TSPAN18: variants seen among roughly 807,000 people sequenced by gnomAD.
TSPAN18 encodes tetraspanin-18.
A neutral mutation model predicts 27.3 loss-of-function variants in TSPAN18; 14 were observed. That is an observed-to-expected ratio of 0.51 (90% CI 0.34 to 0.80). TSPAN18 has a LOEUF of 0.80. Among genes scored for constraint, TSPAN18 ranks in the 30% least tolerant of loss-of-function variants. The pLI, the probability that TSPAN18 is intolerant of heterozygous loss-of-function variation, is 0.01. For missense variants in TSPAN18, 268 were observed against 323.9 expected, an observed-to-expected ratio of 0.83 and a Z score of 1.32; for synonymous variants, 143 against 136.5, an observed-to-expected ratio of 1.05 and a Z score of -0.33.
intron 2 of TSPAN18, among the ~76,000 whole-genome samples, chr11:44,768,475 T>G (rs1855618774): frequency 6.6e-6 from 1 of 152,226 alleles, no homozygotes. Context: ...GTATAATTGC[T>G]TATTTGTTCC....
intron 3 of TSPAN18, among the ~76,000 whole-genome samples, chr11:44,879,515 C>T (rs1057432223): frequency 3.9e-5 from 6 of 152,150 alleles, no homozygotes; most frequent in African/African-American, 1.2e-4. Flanking sequence ...CTGAATAAGT[C>T]GAATAAATGA....
chr11:44,768,498 T>C (rs1855619328), intron 2 of TSPAN18, among the ~76,000 whole-genome samples: 1 of 152,226 alleles, frequency 6.6e-6, no homozygotes, highest in Non-Finnish European at 1.5e-5. Flanking sequence ...GATTTTTTTT[T>C]TGTAATTTCT....
intron 2 of TSPAN18, among the ~76,000 whole-genome samples, chr11:44,856,264 A>C (rs1285221292): frequency 6.6e-6 from 1 of 152,082 alleles, no homozygotes; most frequent in African/African-American, 2.4e-5. Context: ...GATAAATTTC[A>C]TCATCCTTGG....
chr11:44,774,171 G>A (rs1241153812), intron 2 of TSPAN18, among the ~76,000 whole-genome samples: 1 of 152,220 alleles, frequency 6.6e-6, no homozygotes, highest in Non-Finnish European at 1.5e-5. Flanking sequence ...TTGGAGCTGA[G>A]ATTTTTCTCC....
At chr11:44,741,058 G>T (rs1854921177) in intron 1 of TSPAN18, among the ~76,000 whole-genome samples, 1 of 152,112 alleles carries the variant, frequency 6.6e-6, no homozygotes. Context: ...AGAGCCTCTG[G>T]GTCTCCCCTG....
At chr11:44,792,133 TAATTA>T (rs1856240186) in intron 2 of TSPAN18, among the ~76,000 whole-genome samples, 1 of 152,318 alleles carries the variant, frequency 6.6e-6, no homozygotes, top group African/African-American at 2.4e-5. Flanking sequence ...TTCATGTGCA[TAATTA>T]AATCTATATT....
chr11:44,812,275 A>C (rs1291178769), intron 2 of TSPAN18, among the ~76,000 whole-genome samples: 1 of 152,164 alleles, frequency 6.6e-6, no homozygotes, highest in Admixed American at 6.5e-5. Flanking sequence ...CAGTTCCCTG[A>C]TAGGGTTACA....
intron 2 of TSPAN18, among the ~76,000 whole-genome samples, chr11:44,813,026 C>T (rs1856751052): frequency 6.6e-6 from 1 of 151,834 alleles, no homozygotes; most frequent in Admixed American, 6.6e-5. Context: ...CCATAACCCT[C>T]ACCTTGCAGC....
intron 4 of TSPAN18, among the ~76,000 whole-genome samples, chr11:44,908,829 A>AGAG (rs1554938045): frequency 9.7e-6 from 1 of 103,322 alleles, no homozygotes; most frequent in African/African-American, 4.9e-5. Context: ...GAAAGAAAGA[A>AGAG]AAAGAAAAAT....
At chr11:44,923,175 TG>T (rs955759659) in intron 8 of TSPAN18, among the ~76,000 whole-genome samples, 3 of 151,966 alleles carry the variant, frequency 2.0e-5, no homozygotes, top group African/African-American at 7.3e-5. Flanking sequence ...GCTGGGTGTA[TG>T]GGGTGGAGCT....
At chr11:44,889,242 G>A (rs1048237675) in intron 3 of TSPAN18, among the ~76,000 whole-genome samples, 1 of 152,228 alleles carries the variant, frequency 6.6e-6, no homozygotes, top group South Asian at 2.1e-4. Context: ...AGAGGATAAG[G>A]CCAGTCCTGC....
chr11:44,844,532 G>A (rs1354161355), intron 2 of TSPAN18, among the ~76,000 whole-genome samples: 1 of 152,158 alleles, frequency 6.6e-6, no homozygotes, highest in African/African-American at 2.4e-5. Context: ...GCTAACTGGT[G>A]GGTCTGTAGT....
At chr11:44,909,566 C>A in intron 4 of TSPAN18, 139 bp from the exon 5 acceptor site, 1 of 805,614 alleles carries the variant, frequency 1.2e-6, no homozygotes, top group South Asian at 1.8e-5. Context: ...TGGCTCTCGC[C>A]GCAGGTGAAT....
chr11:44,752,131 C>A (rs964341432), intron 1 of TSPAN18, among the ~76,000 whole-genome samples: 4 of 152,132 alleles, frequency 2.6e-5, no homozygotes, highest in African/African-American at 9.7e-5. Context: ...TGAAGTGTCA[C>A]ATTATCAAAC....
intron 1 of TSPAN18, among the ~76,000 whole-genome samples, chr11:44,739,941 G>A (rs554113912): frequency 5.3e-4 from 81 of 152,316 alleles, no homozygotes; most frequent in African/African-American, 1.7e-3. Context: ...TTTGGGATGG[G>A]TGCCTGGCGT....
chr11:44,790,670 G>C (rs1856197708), intron 2 of TSPAN18, among the ~76,000 whole-genome samples: 1 of 152,148 alleles, frequency 6.6e-6, no homozygotes, highest in Non-Finnish European at 1.5e-5. Context: ...AAAGAACATG[G>C]GATGCCAGAT....
chr11:44,791,040 A>G (rs184868148), intron 2 of TSPAN18, among the ~76,000 whole-genome samples: 212 of 152,248 alleles, frequency 1.4e-3, no homozygotes, highest in African/African-American at 4.7e-3. Flanking sequence ...CCCTCAAGAA[A>G]TGAAGGCTAG....
At chr11:44,786,158 G>C (rs1239595127) in intron 2 of TSPAN18, among the ~76,000 whole-genome samples, 1 of 152,262 alleles carries the variant, frequency 6.6e-6, no homozygotes, top group Non-Finnish European at 1.5e-5. Flanking sequence ...AAAAAGCTTG[G>C]CACACCCACC....
In TSPAN18 at chr11:44,927,112, G is replaced by A. The variant is rs1398476690; in HGVS notation, c.699+355G>A. Among the ~76,000 whole-genome samples the A allele has an allele frequency of 3.9e-5, 6 of 152,346 alleles. No individual in the cohort carries two copies. In the South Asian group the frequency reaches 6.2e-4, roughly 16 times the overall value. ...TCAGCACGGCTGCCTTGAAGGACAG[G>A]CTGCAGCCCGTGGTTTGAGATCAGG... On this transcript the variant is annotated intron_variant, in intron 9 of 9. Transcript: ENST00000520358.
Sources: gnomAD v4.1 joint callset for allele counts (sites outside exome capture counted in the v4.1 genomes callset) on GRCh38, gnomAD v4.1.1 for gene constraint, MANE v1.5 for transcripts, NCBI Gene and HGNC (gene_info 2026-07-23, HGNC 2026-07-21) for gene names.